Variants in SMC5 observed in about 807,000 individuals in gnomAD.
The protein encoded by SMC5 is structural maintenance of chromosomes protein 5.
In SMC5, 88 loss-of-function variants were observed where a neutral mutation model predicts 148.3. The observed-to-expected ratio is 0.59, with a 90% CI of 0.50 to 0.71. The LOEUF (loss-of-function observed/expected upper bound fraction) is 0.71. SMC5 is among the 30% of genes least tolerant of loss of function. The pLI is 0.00. For missense variants in SMC5, 1,142 were observed against 1,298.9 expected, an observed-to-expected ratio of 0.88 and a Z score of 1.86; for synonymous variants, 421 against 432.8, an observed-to-expected ratio of 0.97 and a Z score of 0.34.
intron 8 of SMC5, among the ~76,000 whole-genome samples, chr9:70,290,719 T>C (rs1440605163): frequency 1.3e-5 from 2 of 152,176 alleles, no homozygotes; most frequent in Non-Finnish European, 2.9e-5. Flanking sequence ...AATCGCTGTT[T>C]TAATCCTTTT....
chr9:70,268,801 C>T (rs1312356717), intron 3 of SMC5, among the ~76,000 whole-genome samples: 1 of 151,898 alleles, frequency 6.6e-6, no homozygotes, highest in Non-Finnish European at 1.5e-5. Flanking sequence ...TTATTTTCTC[C>T]CTTATGACAC....
rs374607515 is a variant in SMC5 at position 70,352,300 on chromosome 9, G to A, written c.3275G>A (p.Arg1092Gln). ...TWNLKAFQRR[R>Q]RRITFTQPS is the part of the protein sequence containing the mutation. ...AATTTAAAGGCTTTCCAAAGGCGGC[G>A]GCGCCGTATTACATTCACTCAACCT... The change falls in exon 25 of 25, where the codon CGG (arginine) becomes CAG (glutamine). Residue 1092 changes from arginine (R) to glutamine (Q), a missense_variant. Coordinates refer to ENST00000361138, the MANE Select transcript of SMC5 (RefSeq NM_015110.4). 16 of 1,611,884 alleles carry A rather than the reference G, an allele frequency of 9.9e-6. No homozygotes were observed. The highest frequency in any genetic ancestry group is 4.0e-5 in the African/African-American group (3 of 74,796).
intron 17 of SMC5, among the ~76,000 whole-genome samples, chr9:70,333,183 T>C (rs2036267767): frequency 6.6e-6 from 1 of 152,146 alleles, no homozygotes. Context: ...AATAGAACCA[T>C]CAGTGAAAAT....
At chr9:70,286,078 T>C in intron 7 of SMC5, 122 bp from the exon 8 acceptor site, 2 of 677,336 alleles carry the variant, frequency 3.0e-6, no homozygotes, top group Non-Finnish European at 5.3e-6. Flanking sequence ...TTGATAATTA[T>C]GGATTTTGCT....
At chr9:70,293,325 T>C (rs376970860) in intron 8 of SMC5, among the ~76,000 whole-genome samples, 26 of 151,754 alleles carry the variant, frequency 1.7e-4, no homozygotes, top group African/African-American at 6.0e-4. Context: ...TACTGGCAAT[T>C]CCCCCTCTCC....
intron 8 of SMC5, among the ~76,000 whole-genome samples, chr9:70,290,031 A>T (rs915033276): frequency 6.6e-6 from 1 of 152,056 alleles, no homozygotes; most frequent in Non-Finnish European, 1.5e-5. Context: ...GGATTTCTGG[A>T]TTAGGGAAGC....
chr9:70,347,760 T>G (rs776994852), intron 21 of SMC5, 43 bp downstream of exon 21: 8 of 1,330,280 alleles, frequency 6.0e-6, no homozygotes, highest in Non-Finnish European at 8.3e-6. Context: ...TGATTATTAA[T>G]GAAATGGGAA....
At position 70,353,273 on chromosome 9, in the gene SMC5, G is replaced by A. The variant is rs993413074; in HGVS notation, c.*942G>A. 5 of 151,922 alleles carry A rather than the reference G, an allele frequency of 3.3e-5. No individual in the cohort carries two copies. The highest frequency in any genetic ancestry group is 1.2e-4 in the African/African-American group (5 of 41,378). The allele number at this position is 151,922 out of a possible 1,614,324, so 9.4% of individuals were successfully genotyped here. A position where few individuals can be genotyped will look rare whatever the true frequency, so the allele number is the denominator to read the frequency against. On this transcript the variant is annotated 3_prime_UTR_variant, in exon 25 of 25. Coordinates refer to ENST00000361138, the MANE Select transcript of SMC5 (RefSeq NM_015110.4). ...GAAAAGCATTGATTTCTTTAAAACC[G>A]TAATGTTTTTAGAACTTAAGCCTAT...
chr9:70,349,366 CT>C (rs1643577340), intron 22 of SMC5, among the ~76,000 whole-genome samples: 2 of 152,110 alleles, frequency 1.3e-5, no homozygotes, highest in South Asian at 4.1e-4. Context: ...CACACCCGGC[CT>C]AATTAGTAAG....
chr9:70,281,715 C>T (rs2118179565), intron 6 of SMC5, among the ~76,000 whole-genome samples: 1 of 152,298 alleles, frequency 6.6e-6, no homozygotes. Context: ...TACCCTATTC[C>T]ATCATTTCAT....
rs1268825106 is a variant in SMC5 at position 70,346,974 on chromosome 9, T to A, written c.2569-92T>A. 4.4e-6 allele frequency: 4 copies of A among 909,380 alleles called. No homozygotes were observed. The Admixed American group carries it at 6.8e-5, about 15-fold the overall frequency. The allele number at this position is 909,380 out of a possible 1,614,324, so 56.3% of individuals were successfully genotyped here. A position where few individuals can be genotyped will look rare whatever the true frequency, so the allele number is the denominator to read the frequency against. ...GTGTGCCAGCATGCTGTTGAACAGATAGATAACTTATTCAGCAGATTATTT... is the reference window on the plus strand; with the variant it reads ...GTGTGCCAGCATGCTGTTGAACAGAAAGATAACTTATTCAGCAGATTATTT... On this transcript the variant is annotated intron_variant, in intron 19 of 24. Coordinates refer to ENST00000361138, the MANE Select transcript of SMC5 (RefSeq NM_015110.4).
In SMC5 at chr9:70,347,630, A is replaced by G; in HGVS notation, c.2682A>G (p.Thr894=). 1 of 1,571,670 alleles carries G rather than the reference A, an allele frequency of 6.4e-7. No individual in the cohort carries two copies. Among genetic ancestry groups the G allele is most frequent in the Non-Finnish European group, 8.6e-7 (1 of 1,162,310 alleles). The change falls in exon 21 of 25, where the codon ACA becomes ACG. Residue 894 remains threonine (T), a synonymous_variant. Transcript: ENST00000361138. ...CCTGCCAGATTGTTCAGGAATATAC[A>G]AAAAGAGAAGAAGAAATAGAACAGT... ...GLNPTIVQEY[T]KREEEIEQLT... is the part of the protein sequence containing the mutation.
rs1453278595 is a variant in SMC5, at chr9:70,277,356, G to A, written c.427G>A (p.Ala143Thr). 1.9e-6 allele frequency: 3 copies of A among 1,600,984 alleles called. No homozygotes were observed. In the South Asian group the frequency reaches 3.4e-5, roughly 18 times the overall value. The change falls in exon 4 of 25, where the codon GCA becomes ACA. Residue 143 changes from alanine to threonine, a missense_variant. Ala to Thr is a moderately conservative substitution (Grantham distance 58). Coordinates refer to ENST00000361138, the MANE Select transcript of SMC5 (RefSeq NM_015110.4). ...TGTAATCACCCGTGAGATTGATGTG[G>A]CAAAAAATCAGTCCTTTTGGTTCAT... ...NLVITREIDV[A>T]KNQSFWFINK...
chr9:70,323,443 G>T (rs201844196), intron 15 of SMC5, 40 bp from the exon 16 acceptor site: 2 of 1,549,188 alleles, frequency 1.3e-6, no homozygotes, highest in African/African-American at 2.8e-5. Context: ...CAATTCTTAT[G>T]TTTAACACTG....
intron 17 of SMC5, among the ~76,000 whole-genome samples, chr9:70,326,115 A>T (rs2036069481): frequency 6.6e-6 from 1 of 152,168 alleles, no homozygotes; most frequent in African/African-American, 2.4e-5. Context: ...ATGCAAATGG[A>T]TATAATTCAC....
intron 2 of SMC5, 45 bp from the exon 3 acceptor site, chr9:70,267,877 CT>C (rs778666862): frequency 3.3e-6 from 5 of 1,496,876 alleles, no homozygotes; most frequent in Middle Eastern, 1.7e-4. Flanking sequence ...GATTGTTAAC[CT>C]GGGAATGTCA....
chr9:70,328,330 TAA>T (rs1277235052), intron 17 of SMC5, among the ~76,000 whole-genome samples: 1 of 152,098 alleles, frequency 6.6e-6, no homozygotes, highest in African/African-American at 2.4e-5. Context: ...TATGAACCTG[TAA>T]AATCAAAAAC....
At chr9:70,281,975 C>T (rs1028678805) in intron 6 of SMC5, among the ~76,000 whole-genome samples, 1 of 150,716 alleles carries the variant, frequency 6.6e-6, no homozygotes, top group Non-Finnish European at 1.5e-5. Flanking sequence ...ACTCCTATGA[C>T]ATGACAGGCA....
At chr9:70,317,344 C>T (rs992207639) in intron 13 of SMC5, among the ~76,000 whole-genome samples, 4 of 152,222 alleles carry the variant, frequency 2.6e-5, no homozygotes, top group Non-Finnish European at 5.9e-5. Context: ...CTAAGATTCT[C>T]CCTTTGGTTA....
Sources: gnomAD v4.1 joint callset for allele counts (sites outside exome capture counted in the v4.1 genomes callset) on GRCh38, gnomAD v4.1.1 for gene constraint, MANE v1.5 for transcripts, NCBI Gene and HGNC (gene_info 2026-07-23, HGNC 2026-07-21) for gene names.